GALNT18: variants seen among roughly 807,000 people sequenced by gnomAD.
GALNT18 encodes the protein GalNAc-transferase 18.
GALNT18 carries 44 observed loss-of-function variants against 69.5 expected under a neutral mutation model. The ratio of observed to expected loss-of-function variants is 0.63; its 90% confidence interval spans 0.50 to 0.81. The LOEUF (loss-of-function observed/expected upper bound fraction) is 0.81. Among genes scored for constraint, GALNT18 ranks in the 40% least tolerant of loss-of-function variants. The pLI is 0.00. For synonymous variants in GALNT18, 364 were observed against 318.2 expected (o/e 1.14, Z -1.53); for missense variants, 715 against 810.0 (o/e 0.88, Z 1.42).
At chr11:11,286,400 TAA>T (rs1325786895) in intron 10 of GALNT18, among the ~76,000 whole-genome samples, 1 of 135,900 alleles carries the variant, frequency 7.4e-6, no homozygotes, top group African/African-American at 2.5e-5. Flanking sequence ...CGCTACCACC[TAA>T]AAGTGTTCAC....
intron 1 of GALNT18, among the ~76,000 whole-genome samples, chr11:11,536,372 T>C (rs1857773063): frequency 6.6e-6 from 1 of 152,150 alleles, no homozygotes; most frequent in African/African-American, 2.4e-5. Context: ...GGCCAGGCTG[T>C]TCAACTAGGT....
chr11:11,319,863 G>A (rs994691224), intron 9 of GALNT18, among the ~76,000 whole-genome samples: 7 of 152,208 alleles, frequency 4.6e-5, no homozygotes, highest in African/African-American at 1.4e-4. Context: ...ATGGTCTAGA[G>A]TGTCTTTACC....
chr11:11,417,110 C>T (rs16909625), intron 3 of GALNT18, among the ~76,000 whole-genome samples: 3,982 of 152,294 alleles, frequency 0.026, 160 homozygotes, highest in African/African-American at 0.091. Context: ...AGTGACTCAC[C>T]CAGGATGGCA....
In GALNT18 at chr11:11,372,594, C is replaced by T. The variant is rs1370691131; in HGVS notation, c.1013G>A (p.Arg338Gln). The T allele has an allele frequency of 4.3e-6, 7 of 1,614,064 alleles. No individual in the cohort carries two copies. Among genetic ancestry groups the T allele is most frequent in the Admixed American group, 3.3e-5 (2 of 60,014 alleles). ...CAGGCCGATCTCCTGGAAGTACTGC[C>T]GGTCCACAATGAAGCAGCCAATGAG... ...PALIGCFIVDRQYFQEIGLLD... is the reference protein window; with the variant it reads ...PALIGCFIVDQQYFQEIGLLD... The change falls in exon 6 of 11, where the codon CGG becomes CAG. Residue 338 changes from arginine to glutamine, a missense_variant. Arg to Gln is a conservative substitution (Grantham distance 43). Coordinates refer to ENST00000227756, the MANE Select transcript of GALNT18 (RefSeq NM_198516.3). The surrounding 1 kb of genome is among the most constrained non-coding windows in gnomAD (Gnocchi z 4.9).
chr11:11,495,558 A>C (rs1856852715), intron 1 of GALNT18, among the ~76,000 whole-genome samples: 1 of 152,252 alleles, frequency 6.6e-6, no homozygotes, highest in Non-Finnish European at 1.5e-5. Context: ...CATAAGTGGA[A>C]TCTAAGATGA....
At chr11:11,484,025 C>G (rs1856589934) in intron 1 of GALNT18, among the ~76,000 whole-genome samples, 1 of 152,126 alleles carries the variant, frequency 6.6e-6, no homozygotes, top group South Asian at 2.1e-4. Flanking sequence ...GACACAGCAC[C>G]TACTCTGTGC....
At chr11:11,567,834 A>G (rs1858689803) in intron 1 of GALNT18, among the ~76,000 whole-genome samples, 1 of 152,214 alleles carries the variant, frequency 6.6e-6, no homozygotes, top group Admixed American at 6.5e-5. Flanking sequence ...GGAGATAAAC[A>G]TCCTATATAC....
chr11:11,553,739 C>T (rs1329672207), intron 1 of GALNT18, among the ~76,000 whole-genome samples: 2 of 152,170 alleles, frequency 1.3e-5, no homozygotes, highest in African/African-American at 2.4e-5. Context: ...CAGCTGCCCC[C>T]GGGAGCCCTT....
At chr11:11,342,679 T>C (rs1850230495) in intron 6 of GALNT18, among the ~76,000 whole-genome samples, 1 of 152,250 alleles carries the variant, frequency 6.6e-6, no homozygotes, top group Non-Finnish European at 1.5e-5. Flanking sequence ...GTCTCCTATG[T>C]GCCAGGCACT....
chr11:11,448,056 G>A (rs759908145), intron 2 of GALNT18, among the ~76,000 whole-genome samples: 2 of 152,178 alleles, frequency 1.3e-5, no homozygotes, highest in Non-Finnish European at 2.9e-5. Flanking sequence ...ATGAATGTCT[G>A]TGGAGCTGAA....
In GALNT18 at chr11:11,439,558, TA is replaced by T. The variant is rs1210347384; in HGVS notation, c.429-6772del. Among the ~76,000 whole-genome samples, 6 of 152,242 alleles carry T rather than the reference TA, an allele frequency of 3.9e-5. No homozygotes were observed. Among genetic ancestry groups the T allele is most frequent in the Non-Finnish European group, 7.3e-5 (5 of 68,044 alleles). ...TGTACATGCTATTGCAACATGTTTT[TA>T]TATGTGATCATTTAACAAACGTCAG... On this transcript the variant is annotated intron_variant, in intron 2 of 10. Coordinates refer to ENST00000227756, the MANE Select transcript of GALNT18 (RefSeq NM_198516.3). This position sits in a 1 kb window ranked among gnomAD's most constrained non-coding sequence, Gnocchi z 4.4.
rs544149696 is a variant in GALNT18 at position 11,278,392 on chromosome 11, G to A, written c.1678-7102C>T. Among the ~76,000 whole-genome samples, 46 of 151,520 alleles carry A rather than the reference G, an allele frequency of 3.0e-4. 1 individual carries two copies. Among genetic ancestry groups the A allele is most frequent in the African/African-American group, 9.7e-4 (40 of 41,224 alleles). ...GGTGGGGGGCTGGGGGAGGGATAGCGTTAGGAGAAATACCTAATGTAGATG... is the reference window on the plus strand; with the variant it reads ...GGTGGGGGGCTGGGGGAGGGATAGCATTAGGAGAAATACCTAATGTAGATG... On this transcript the variant is annotated intron_variant, in intron 10 of 10. Coordinates refer to ENST00000227756, the MANE Select transcript of GALNT18 (RefSeq NM_198516.3).
At chr11:11,498,568 G>A (rs1311757500) in intron 1 of GALNT18, among the ~76,000 whole-genome samples, 2 of 152,240 alleles carry the variant, frequency 1.3e-5, no homozygotes, top group Admixed American at 6.5e-5. Context: ...GGAGGCCAAG[G>A]TGGGCAGATT....
intron 3 of GALNT18, among the ~76,000 whole-genome samples, chr11:11,384,049 C>T (rs999811099): frequency 2.0e-5 from 3 of 151,924 alleles, no homozygotes; most frequent in Non-Finnish European, 4.4e-5. Context: ...TTAGTCCATT[C>T]ATGGAGTAAT....
intron 1 of GALNT18, among the ~76,000 whole-genome samples, chr11:11,536,651 C>CA (rs60605695): frequency 0.15 from 19,970 of 136,824 alleles, 1,375 homozygotes; most frequent in South Asian, 0.2. Flanking sequence ...AAAATTGAGA[C>CA]AAAAAAAAAA....
At position 11,500,520 on chromosome 11, in the gene GALNT18, G is replaced by A. The variant is rs1412963841; in HGVS notation, c.236-51584C>T. 6.6e-6 allele frequency among the ~76,000 whole-genome samples: 1 copy of A among 152,196 alleles called. No individual in the cohort carries two copies. The highest frequency in any genetic ancestry group is 2.4e-5 in the African/African-American group (1 of 41,448). ...GGTTGTCACATCGTGGTGGGTGGAT[G>A]GAGATGCGCCATGGGCATCTCTCAG... On this transcript the variant is annotated intron_variant, in intron 1 of 10. Transcript: ENST00000227756. This position sits in a 1 kb window ranked among gnomAD's most constrained non-coding sequence, Gnocchi z 5.0.
chr11:11,370,852 G>T (rs1407809073), intron 6 of GALNT18, among the ~76,000 whole-genome samples: 1 of 152,184 alleles, frequency 6.6e-6, no homozygotes, highest in Non-Finnish European at 1.5e-5. Context: ...GCGAATGGAG[G>T]CGGTCCAACC....
At position 11,470,569 on chromosome 11, in the gene GALNT18, C is replaced by G. The variant is rs1318324928; in HGVS notation, c.236-21633G>C. Among the ~76,000 whole-genome samples the G allele has an allele frequency of 1.3e-5, 2 of 152,130 alleles. No individual in the cohort carries two copies. Among genetic ancestry groups the G allele is most frequent in the African/African-American group, 4.8e-5 (2 of 41,432 alleles). ...TAGTGATAGGATGACTAATCGCTAG[C>G]TAATTTTGATCTTTTGATCTGTATA... On this transcript the variant is annotated intron_variant, in intron 1 of 10. Transcript: ENST00000227756. This position sits in a 1 kb window ranked among gnomAD's most constrained non-coding sequence, Gnocchi z 4.8.
intron 1 of GALNT18, among the ~76,000 whole-genome samples, chr11:11,506,622 A>G (rs540846255): frequency 2.6e-5 from 4 of 152,358 alleles, no homozygotes; most frequent in Admixed American, 1.3e-4. Flanking sequence ...TTTCTGGTAG[A>G]AAGTGGGGTA....
Sources: allele counts gnomAD v4.1 joint callset (sites outside exome capture counted in the v4.1 genomes callset), GRCh38; gene constraint gnomAD v4.1.1; non-coding constraint Gnocchi (gnomAD v3.1); transcripts MANE v1.5; gene names NCBI Gene and HGNC (gene_info 2026-07-23, HGNC 2026-07-21).